ADGB: variants seen among roughly 807,000 people sequenced by gnomAD.
ADGB encodes calpain-7-like protein.
In ADGB, 172 loss-of-function variants were observed where a neutral mutation model predicts 210.5. The observed-to-expected ratio is 0.82, with a 90% CI of 0.72 to 0.93. ADGB has a LOEUF of 0.93. Ranked by LOEUF, ADGB falls within the 40% of genes least tolerant of loss-of-function variation. ADGB has a pLI of 0.00. For missense variants in ADGB, 2,025 were observed against 1,964.8 expected, an observed-to-expected ratio of 1.03 and a Z score of -0.58; for synonymous variants, 658 against 662.7, an observed-to-expected ratio of 0.99 and a Z score of 0.11.
rs1204686724 is a variant in ADGB, at chr6:146,728,740, G to C, written c.2519G>C (p.Arg840Thr). 7.8e-6 allele frequency: 12 copies of C among 1,536,414 alleles called. No individual in the cohort carries two copies. In the East Asian group the frequency reaches 1.5e-4, roughly 19 times the overall value. ...AAAGAACTAACTGCACAGCACTTCA[G>C]GGTAAGCTTGTTTGGGATACAATGT... ...HDKELTAQHFRVFHLSLWRLM... is the reference protein window; with the variant it reads ...HDKELTAQHFTVFHLSLWRLM... Residue 840 changes from arginine (R) to threonine (T), a missense_variant and splice_region_variant, in exon 20 of 36, where the codon AGG (arginine) becomes ACG (threonine). Transcript: ENST00000397944.
chr6:146,693,749 G>A (rs78675746), intron 12 of ADGB, among the ~76,000 whole-genome samples: 7,514 of 152,028 alleles, frequency 0.049, 255 homozygotes, highest in East Asian at 0.077. Flanking sequence ...AAGCCACGCC[G>A]CACTTTCAAC....
intron 33 of ADGB, among the ~76,000 whole-genome samples, chr6:146,794,798 G>A (rs1778016122): frequency 6.6e-6 from 1 of 152,130 alleles, no homozygotes; most frequent in Non-Finnish European, 1.5e-5. Context: ...TACTAAAACT[G>A]AGAACCACAA....
Position 146,734,039 on chromosome 6 carries a change from G to A in ADGB, c.2794+9G>A, listed in dbSNP as rs1048132738. On this transcript the variant is annotated intron_variant, in intron 22 of 35. Coordinates refer to ENST00000397944, the MANE Select transcript of ADGB (RefSeq NM_024694.4). ...GAAAGCCAGAATACCAGGTATGATT[G>A]TCCAAACATTTATAAAATGAACTTG... The A allele has an allele frequency of 1.3e-6, 2 of 1,546,944 alleles. No homozygotes were observed. The highest frequency in any genetic ancestry group is 1.2e-5 in the South Asian group (1 of 83,266).
intron 35 of ADGB, among the ~76,000 whole-genome samples, chr6:146,812,709 C>A (rs1416465427): frequency 2.0e-5 from 3 of 152,152 alleles, no homozygotes; most frequent in Non-Finnish European, 2.9e-5. Context: ...ATCTAACAGA[C>A]TTTAGTTTTA....
At chr6:146,666,979 A>T in intron 7 of ADGB, 77 bp downstream of exon 7, 1 of 1,219,674 alleles carries the variant, frequency 8.2e-7, no homozygotes, top group Non-Finnish European at 1.1e-6. Context: ...CCTAGCCTTT[A>T]AGAAAATTTC....
At chr6:146,618,333 A>G (rs1780834568) in intron 1 of ADGB, among the ~76,000 whole-genome samples, 1 of 150,774 alleles carries the variant, frequency 6.6e-6, no homozygotes, top group African/African-American at 2.4e-5. Context: ...TGAACTTTTT[A>G]TTTTGTGGAT....
At position 146,763,990 on chromosome 6, in the gene ADGB, T is replaced by C; in HGVS notation, c.3640T>C (p.Ser1214Pro). The C allele has an allele frequency of 6.4e-7, 1 of 1,551,268 alleles. No individual in the cohort carries two copies. The highest frequency in any genetic ancestry group is 1.2e-5 in the South Asian group (1 of 84,034). ...KKKAAQGIQK[S>P]PKGRAVSAIQ... ...GAAAGCTGCTCAGGGAATTCAGAAATCCCCCAAGGGTAGAGCTGTAAGTGC... is the reference window on the plus strand; with the variant it reads ...GAAAGCTGCTCAGGGAATTCAGAAACCCCCCAAGGGTAGAGCTGTAAGTGC... Residue 1214 changes from serine (S) to proline (P), a missense_variant, in exon 28 of 36, where the codon TCC becomes CCC. Coordinates refer to ENST00000397944, the MANE Select transcript of ADGB (RefSeq NM_024694.4).
chr6:146,813,176 A>AT lies in ADGB; in HGVS notation c.4819-1850dup, dbSNP rs887597382. ...TTTCAAGACAGTTCTATCTTTAGAT[A>AT]TTTTTTCTCTTGCGGTAATCTGAAT... On this transcript the variant is annotated intron_variant, in intron 35 of 35. Transcript: ENST00000397944. Among the ~76,000 whole-genome samples, 4 of 151,930 alleles carry AT rather than the reference A, an allele frequency of 2.6e-5. No individual in the cohort carries two copies. The East Asian group carries it at 7.7e-4, about 29-fold the overall frequency.
intron 33 of ADGB, 89 bp downstream of exon 33, chr6:146,788,699 G>C (rs1777915473): frequency 4.3e-6 from 5 of 1,168,778 alleles, no homozygotes; most frequent in Non-Finnish European, 6.1e-6. Context: ...GTGACGGCTA[G>C]GGCTATAGAA....
intron 1 of ADGB, among the ~76,000 whole-genome samples, chr6:146,611,468 A>G (rs1324410335): frequency 6.6e-6 from 1 of 152,082 alleles, no homozygotes; most frequent in Non-Finnish European, 1.5e-5. Context: ...GAAGCTCTCC[A>G]TGCCAGCTCA....
At chr6:146,803,962 G>T (rs1157255453) in intron 35 of ADGB, 1 of 222,932 alleles carries the variant, frequency 4.5e-6, no homozygotes, top group South Asian at 1.4e-4. Context: ...ATGTTAGGAA[G>T]TAAAAGTGAA....
intron 24 of ADGB, 49 bp from the exon 25 acceptor site, chr6:146,741,067 CTT>C: frequency 7.3e-7 from 1 of 1,371,532 alleles, no homozygotes; most frequent in Non-Finnish European, 9.5e-7. Flanking sequence ...AAATTTCAAA[CTT>C]CCTTTAAGAA....
chr6:146,651,589 T>C (rs911437794), intron 3 of ADGB, among the ~76,000 whole-genome samples: 1 of 152,170 alleles, frequency 6.6e-6, no homozygotes, highest in Non-Finnish European at 1.5e-5. Context: ...CCAATGGCTA[T>C]CTTGAATATT....
intron 3 of ADGB, among the ~76,000 whole-genome samples, chr6:146,651,101 A>C (rs9390409): frequency 0.62 from 93,660 of 152,098 alleles, 28,839 homozygotes; most frequent in Middle Eastern, 0.66. Context: ...ATAGCAAGAG[A>C]TGATGCCATG....
At chr6:146,614,915 T>A (rs1013532813) in intron 1 of ADGB, among the ~76,000 whole-genome samples, 5 of 152,094 alleles carry the variant, frequency 3.3e-5, no homozygotes, top group African/African-American at 9.7e-5. Context: ...AGATTCTTTT[T>A]TTTGAGACAG....
chr6:146,604,127 T>G (rs937983626), intron 1 of ADGB, among the ~76,000 whole-genome samples: 12 of 152,118 alleles, frequency 7.9e-5, no homozygotes, highest in African/African-American at 2.9e-4. Context: ...CTATAGTCAA[T>G]TAACAAATTT....
chr6:146,611,656 C>T (rs1034285960), intron 1 of ADGB, among the ~76,000 whole-genome samples: 1 of 152,138 alleles, frequency 6.6e-6, no homozygotes, highest in Non-Finnish European at 1.5e-5. Context: ...TCCTTCAGTC[C>T]AGAATCTGTG....
At chr6:146,782,305 C>A in intron 30 of ADGB, 113 bp downstream of exon 30, 2 of 1,067,854 alleles carry the variant, frequency 1.9e-6, no homozygotes, top group Non-Finnish European at 2.6e-6. Flanking sequence ...CTCCCTGATT[C>A]CAGAAACCAT....
At chr6:146,683,473 C>G (rs955587025) in intron 9 of ADGB, among the ~76,000 whole-genome samples, 1 of 152,128 alleles carries the variant, frequency 6.6e-6, no homozygotes, top group Admixed American at 6.6e-5. Context: ...TTAATCTGTG[C>G]CCATGCTATA....
Sources: allele counts gnomAD v4.1 joint callset (sites outside exome capture counted in the v4.1 genomes callset), GRCh38; gene constraint gnomAD v4.1.1; transcripts MANE v1.5; gene names NCBI Gene and HGNC (gene_info 2026-07-23, HGNC 2026-07-21).